Variants in SMIM35 observed in about 807,000 individuals in gnomAD.
SMIM35 encodes the protein small integral membrane protein 35.
intron 1 of SMIM35, among the ~76,000 whole-genome samples, chr11:118,047,711 G>A (rs1426704318): frequency 1.3e-5 from 2 of 152,230 alleles, no homozygotes; most frequent in African/African-American, 4.8e-5. Flanking sequence ...AGTTATTTCA[G>A]CAGCCAAACT....
At chr11:118,029,875 C>T in intron 1 of SMIM35, 3 of 444,026 alleles carry the variant, frequency 6.8e-6, no homozygotes, top group Non-Finnish European at 9.0e-6. Context: ...GCTACCTCCA[C>T]ATCACCAAGT....
chr11:118,045,225 C>T (rs1306524356), intron 1 of SMIM35, among the ~76,000 whole-genome samples: 2 of 152,050 alleles, frequency 1.3e-5, no homozygotes, highest in African/African-American at 4.8e-5. Flanking sequence ...ATCAAGAATT[C>T]CTCCTTTGTT....
intron 1 of SMIM35, among the ~76,000 whole-genome samples, chr11:118,053,536 T>C (rs1684366170): frequency 1.3e-5 from 2 of 152,132 alleles, no homozygotes; most frequent in African/African-American, 4.8e-5. Flanking sequence ...ATTCAACTCC[T>C]CCAAACAGCA....
intron 1 of SMIM35, among the ~76,000 whole-genome samples, chr11:118,064,043 G>C (rs1413488587): frequency 6.6e-6 from 1 of 152,220 alleles, no homozygotes; most frequent in Non-Finnish European, 1.5e-5. Flanking sequence ...TTGCGGTCTT[G>C]TGGCACTGAG....
At chr11:118,023,219 C>CT (rs1374177968) in intron 1 of SMIM35, among the ~76,000 whole-genome samples, 3 of 151,974 alleles carry the variant, frequency 2.0e-5, no homozygotes, top group Non-Finnish European at 4.4e-5. Context: ...GGTCTGAATC[C>CT]TATTCACTCA....
At chr11:118,062,652 C>A (rs1944408366) in intron 1 of SMIM35, among the ~76,000 whole-genome samples, 1 of 152,132 alleles carries the variant, frequency 6.6e-6, no homozygotes. Flanking sequence ...TCCTGGCCCT[C>A]CCTCCACACC....
At chr11:118,031,836 G>C (rs1437525205) in intron 1 of SMIM35, 1 of 151,956 alleles carries the variant, frequency 6.6e-6, no homozygotes, top group Non-Finnish European at 1.5e-5. Flanking sequence ...GAGGGGAGGC[G>C]AGGAGAAGAA....
At chr11:118,049,413 A>C (rs1021140447) in intron 1 of SMIM35, among the ~76,000 whole-genome samples, 4 of 128,220 alleles carry the variant, frequency 3.1e-5, no homozygotes, top group African/African-American at 9.3e-5. Context: ...CAGTGGCGCG[A>C]TCTCTGCTCA....
At chr11:118,060,100 C>A (rs1012890110) in intron 1 of SMIM35, among the ~76,000 whole-genome samples, 3 of 151,736 alleles carry the variant, frequency 2.0e-5, no homozygotes, top group Admixed American at 2.0e-4. Flanking sequence ...GGGCTGTGCC[C>A]AAGCCCAGTC....
chr11:118,014,411 TGG>T lies in SMIM35; in HGVS notation c.158+295_158+296del, dbSNP rs879421698. On this transcript the variant is annotated intron_variant, in intron 3 of 4. Coordinates refer to ENST00000689828, the MANE Select transcript of SMIM35 (RefSeq NM_001394165.1). ...ATGGATGGATGGATGGATGGATGGATGGATGGATGGATGGATGGATGAATGGA... is the reference window on the plus strand; with the variant it reads ...ATGGATGGATGGATGGATGGATGGATATGGATGGATGGATGGATGAATGGA... 2.4e-3 allele frequency among the ~76,000 whole-genome samples: 359 copies of T among 151,370 alleles called. 3 individuals are homozygous for T. The highest frequency in any genetic ancestry group is 8.2e-3 in the African/African-American group (338 of 41,116).
intron 1 of SMIM35, among the ~76,000 whole-genome samples, chr11:118,076,632 G>A (rs143575081): frequency 6.8e-4 from 104 of 152,086 alleles, no homozygotes; most frequent in Non-Finnish European, 1.3e-3. Context: ...CCAGGGAAAG[G>A]GGGTACATCT....
intron 4 of SMIM35, among the ~76,000 whole-genome samples, chr11:118,012,610 C>T (rs2058156088): frequency 6.6e-6 from 1 of 152,218 alleles, no homozygotes; most frequent in East Asian, 1.9e-4. Context: ...GTTCTCAGCA[C>T]TGCACATCAA....
chr11:118,052,313 A>G (rs1944230069), intron 1 of SMIM35, among the ~76,000 whole-genome samples: 1 of 151,796 alleles, frequency 6.6e-6, no homozygotes, highest in African/African-American at 2.4e-5. Flanking sequence ...GGCGAGAGGC[A>G]GGAGTGAGAG....
intron 4 of SMIM35, among the ~76,000 whole-genome samples, chr11:118,012,226 C>T (rs1009767819): frequency 2.0e-5 from 3 of 152,224 alleles, no homozygotes; most frequent in African/African-American, 7.2e-5. Flanking sequence ...TTGCCCTACT[C>T]CATCCACAGG....
chr11:118,014,378 G>C lies in SMIM35; in HGVS notation c.158+330C>G, dbSNP rs375991838. Reference sequence around the variant, plus strand: ...AAAGGAAGGCAGCTCTGTCTGCTTGGGGGAGAGATGGATGGATGGATGGAT... The same window carrying C: ...AAAGGAAGGCAGCTCTGTCTGCTTGCGGGAGAGATGGATGGATGGATGGAT... On this transcript the variant is annotated intron_variant, in intron 3 of 4. Transcript: ENST00000689828. Among the ~76,000 whole-genome samples, 1,214 of 145,528 alleles carry C rather than the reference G, an allele frequency of 8.3e-3. 12 individuals are homozygous for C. The highest frequency in any genetic ancestry group is 0.026 in the African/African-American group (1,010 of 39,340).
At position 118,021,052 on chromosome 11, in the gene SMIM35, T is replaced by TTTTTTTTTTTTGTTTTG. The variant is rs559819023; in HGVS notation, c.8-5244_8-5243insCAAAACAAAAAAAAAAA. Among the ~76,000 whole-genome samples, 10 of 151,622 alleles carry TTTTTTTTTTTTGTTTTG rather than the reference T, an allele frequency of 6.6e-5. No individual in the cohort carries two copies. In the South Asian group the frequency reaches 2.1e-3, roughly 32 times the overall value. ...TTCCAAATTCACAGGGTAAGGTTTT[T>TTTTTTTTTTTTGTTTTG]TTTTTTACTATTTATTAAGATGGAC... On this transcript the variant is annotated intron_variant, in intron 1 of 4. Coordinates refer to ENST00000689828, the MANE Select transcript of SMIM35 (RefSeq NM_001394165.1).
intron 1 of SMIM35, among the ~76,000 whole-genome samples, chr11:118,042,580 A>G (rs546923885): frequency 7.2e-5 from 11 of 152,366 alleles, no homozygotes; most frequent in African/African-American, 2.4e-4. Context: ...AAAATAGAAG[A>G]GGCTAAACAC....
At chr11:118,056,988 G>A (rs764611035) in intron 1 of SMIM35, among the ~76,000 whole-genome samples, 11 of 152,178 alleles carry the variant, frequency 7.2e-5, no homozygotes, top group Non-Finnish European at 1.5e-4. Context: ...CATGAGAACT[G>A]GAGGTGACAA....
chr11:118,030,755 C>T (rs1352311805), intron 1 of SMIM35, among the ~76,000 whole-genome samples: 1 of 151,744 alleles, frequency 6.6e-6, no homozygotes, highest in Non-Finnish European at 1.5e-5. Flanking sequence ...AGCATCAGAG[C>T]CAAAGCAGGA....
Sources: gnomAD v4.1 joint callset for allele counts (sites outside exome capture counted in the v4.1 genomes callset) on GRCh38, gnomAD v4.1.1 for gene constraint, MANE v1.5 for transcripts, NCBI Gene and HGNC (gene_info 2026-07-23, HGNC 2026-07-21) for gene names.